SDK1: variants seen among roughly 807,000 people sequenced by gnomAD.
SDK1 encodes the protein protein sidekick-1.
A neutral mutation model predicts 245.5 loss-of-function variants in SDK1; 157 were observed. That is an observed-to-expected ratio of 0.64 (90% CI 0.56 to 0.73). The LOEUF is 0.73. SDK1 is among the 30% of genes least tolerant of loss of function. The probability of loss-of-function intolerance (pLI) is 0.00; values close to 1 mark genes in which losing one functional copy is unlikely to be tolerated. For missense variants in SDK1, 3,583 were observed against 3,002.3 expected, an observed-to-expected ratio of 1.19 and a Z score of -4.52; for synonymous variants, 1,647 against 1,278.5, an observed-to-expected ratio of 1.29 and a Z score of -6.15.
At chr7:4,145,208 C>T (rs568853946) in intron 28 of SDK1, among the ~76,000 whole-genome samples, 2 of 152,246 alleles carry the variant, frequency 1.3e-5, no homozygotes, top group South Asian at 4.1e-4. Context: ...GCTGGGGTCC[C>T]TGGAGGGAGC....
chr7:3,424,752 C>G (rs1192376287), intron 1 of SDK1, among the ~76,000 whole-genome samples: 1 of 151,992 alleles, frequency 6.6e-6, no homozygotes, highest in Non-Finnish European at 1.5e-5. Context: ...AAAAAACTAG[C>G]CAGGCATGGT....
intron 1 of SDK1, among the ~76,000 whole-genome samples, chr7:3,325,042 T>G (rs569498656): frequency 2.0e-5 from 3 of 152,152 alleles, no homozygotes; most frequent in Non-Finnish European, 2.9e-5. Flanking sequence ...TGGAACTGCA[T>G]TTATCATCAC....
rs4722825 is a variant in SDK1, at chr7:3,459,243, G to A, written c.298+157359G>A. 1.2e-3 allele frequency among the ~76,000 whole-genome samples: 186 copies of A among 152,296 alleles called. 6 individuals carry two copies. In the East Asian group the frequency reaches 0.033, roughly 27 times the overall value. Reference sequence around the variant, plus strand: ...GTTCATTTCATAGGAATTTGGTACTGTATTTGTAGTACCTTTTTATACTCC... The same window carrying A: ...GTTCATTTCATAGGAATTTGGTACTATATTTGTAGTACCTTTTTATACTCC... On this transcript the variant is annotated intron_variant, in intron 1 of 44. Coordinates refer to ENST00000404826, the MANE Select transcript of SDK1 (RefSeq NM_152744.4).
chr7:3,467,029 CAG>C (rs59335723), intron 1 of SDK1, among the ~76,000 whole-genome samples: 1 of 137,556 alleles, frequency 7.3e-6, no homozygotes, highest in Non-Finnish European at 1.6e-5. Context: ...CACACACACA[CAG>C]AGATGTAAAA....
intron 38 of SDK1, among the ~76,000 whole-genome samples, chr7:4,211,774 TA>T (rs1477381224): frequency 1.3e-5 from 2 of 152,158 alleles, no homozygotes; most frequent in African/African-American, 4.8e-5. Flanking sequence ...CACGCCCAGC[TA>T]ACTTTTTGTA....
intron 1 of SDK1, among the ~76,000 whole-genome samples, chr7:3,363,501 T>C (rs1016403768): frequency 6.6e-6 from 1 of 152,202 alleles, no homozygotes; most frequent in Non-Finnish European, 1.5e-5. Flanking sequence ...TTGGCTTGTA[T>C]GTTAATTGTA....
At chr7:3,988,721 T>G (rs2128139893) in intron 14 of SDK1, among the ~76,000 whole-genome samples, 1 of 152,268 alleles carries the variant, frequency 6.6e-6, no homozygotes, top group East Asian at 1.9e-4. Context: ...AGATAATCCA[T>G]TACCTCCACA....
intron 5 of SDK1, among the ~76,000 whole-genome samples, chr7:3,917,632 C>G (rs1024060603): frequency 6.6e-6 from 1 of 152,142 alleles, no homozygotes; most frequent in African/African-American, 2.4e-5. Context: ...TGATGAACCA[C>G]ACTCCTTACC....
intron 32 of SDK1, among the ~76,000 whole-genome samples, chr7:4,162,281 C>T (rs909316372): frequency 2.0e-5 from 3 of 152,112 alleles, no homozygotes; most frequent in African/African-American, 7.2e-5. Context: ...GAGAAGTCAT[C>T]TGCAACCAGA....
intron 4 of SDK1, among the ~76,000 whole-genome samples, chr7:3,720,411 T>G (rs1426080166): frequency 6.6e-6 from 1 of 152,162 alleles, no homozygotes; most frequent in East Asian, 1.9e-4. Flanking sequence ...TCAGAAAATG[T>G]GCAAAATACA....
chr7:4,166,599 C>A (rs575680707), intron 32 of SDK1, among the ~76,000 whole-genome samples: 1 of 152,344 alleles, frequency 6.6e-6, no homozygotes, highest in East Asian at 1.9e-4. Flanking sequence ...TCAGAACCAT[C>A]AGGACCAAAC....
intron 17 of SDK1, among the ~76,000 whole-genome samples, chr7:4,038,655 A>G (rs1166605999): frequency 6.6e-6 from 1 of 152,220 alleles, no homozygotes; most frequent in Non-Finnish European, 1.5e-5. Context: ...GCACCTTGGC[A>G]AAGTGAGTGA....
chr7:4,233,408 C>G lies in SDK1; in HGVS notation c.5981C>G (p.Thr1994Arg). 3 of 1,612,348 alleles carry G rather than the reference C, an allele frequency of 1.9e-6. No individual in the cohort carries two copies. Among genetic ancestry groups the G allele is most frequent in the Non-Finnish European group, 2.5e-6 (3 of 1,179,898 alleles). ...AGYGEPSNPS[T>R]AVSAQVEAPF... Reference sequence around the variant, plus strand: ...TACGGGGAGCCCAGCAACCCCTCCACGGCTGTGTCAGGTAGGCCCTCCCAG... The same window carrying G: ...TACGGGGAGCCCAGCAACCCCTCCAGGGCTGTGTCAGGTAGGCCCTCCCAG... The change falls in exon 41 of 45, where the codon ACG becomes AGG. Residue 1994 changes from threonine to arginine, a missense_variant. Coordinates refer to ENST00000404826, the MANE Select transcript of SDK1 (RefSeq NM_152744.4).
chr7:3,445,455 TTTAG>T (rs1352328192), intron 1 of SDK1, among the ~76,000 whole-genome samples: 3 of 152,206 alleles, frequency 2.0e-5, no homozygotes, highest in Non-Finnish European at 2.9e-5. Flanking sequence ...TCTTGAATGG[TTTAG>T]TTATTCACAT....
intron 9 of SDK1, 116 bp downstream of exon 9, chr7:3,962,967 T>A: frequency 2.0e-6 from 1 of 493,792 alleles, no homozygotes; most frequent in Non-Finnish European, 3.1e-6. Flanking sequence ...CTACCTGACC[T>A]GGACGTATCC....
chr7:3,923,279 T>G (rs928424341), intron 5 of SDK1, among the ~76,000 whole-genome samples: 1 of 152,208 alleles, frequency 6.6e-6, no homozygotes, highest in African/African-American at 2.4e-5. Context: ...TTATGGACTT[T>G]TTTTTTTATT....
In SDK1 at chr7:3,971,524, C is replaced by G; in HGVS notation, c.1773C>G (p.Ala591=). ...EDHVVIKGTT[A]TLHCGATHDP... is the part of the protein sequence containing the mutation. ...ACGTGGTGATTAAGGGGACCACGGC[C>G]ACGCTGCACTGTGGTGCCACACATG... The change falls in exon 12 of 45, where the codon GCC becomes GCG. Residue 591 remains alanine, a synonymous_variant. Transcript: ENST00000404826. 1 of 1,613,780 alleles carries G rather than the reference C, an allele frequency of 6.2e-7. No individual in the cohort carries two copies. The highest frequency in any genetic ancestry group is 8.5e-7 in the Non-Finnish European group (1 of 1,179,828).
At chr7:4,119,113 C>G (rs1170869346) in intron 25 of SDK1, among the ~76,000 whole-genome samples, 4 of 148,278 alleles carry the variant, frequency 2.7e-5, no homozygotes, top group Non-Finnish European at 4.5e-5. Flanking sequence ...AAAAAAAAAG[C>G]TCAGCCTTCC....
intron 1 of SDK1, among the ~76,000 whole-genome samples, chr7:3,450,524 G>C (rs937081276): frequency 6.6e-6 from 1 of 152,154 alleles, no homozygotes; most frequent in African/African-American, 2.4e-5. Context: ...AGGATGATAC[G>C]TAGATTTCTA....
Sources: gnomAD v4.1 joint callset for allele counts (sites outside exome capture counted in the v4.1 genomes callset) on GRCh38, gnomAD v4.1.1 for gene constraint, MANE v1.5 for transcripts, NCBI Gene and HGNC (gene_info 2026-07-23, HGNC 2026-07-21) for gene names.